Variants in ALDH1L1 observed in about 807,000 individuals in gnomAD.
ALDH1L1 encodes cytosolic 10-formyltetrahydrofolate dehydrogenase.
ALDH1L1 carries 68 observed loss-of-function variants against 101.1 expected under a neutral mutation model. That is an observed-to-expected ratio of 0.67 (90% CI 0.55 to 0.82). The LOEUF is 0.82. Among genes scored for constraint, ALDH1L1 ranks in the 40% least tolerant of loss-of-function variants. The pLI, the probability that ALDH1L1 is intolerant of heterozygous loss-of-function variation, is 0.00. For synonymous variants in ALDH1L1, 486 were observed against 470.8 expected, an observed-to-expected ratio of 1.03 and a Z score of -0.42; for missense variants, 1,087 against 1,172.7, an observed-to-expected ratio of 0.93 and a Z score of 1.07.
chr3:126,111,727 A>T (rs1284456990), intron 19 of ALDH1L1, among the ~76,000 whole-genome samples: 1 of 152,114 alleles, frequency 6.6e-6, no homozygotes, highest in Admixed American at 6.5e-5. Flanking sequence ...CTGGTTTCCC[A>T]GGTACCATCT....
At position 126,113,796 on chromosome 3, in the gene ALDH1L1, G is replaced by T. The variant is rs142956509; in HGVS notation, c.2082+761C>A. 1.8e-3 allele frequency among the ~76,000 whole-genome samples: 271 copies of T among 152,330 alleles called. 10 individuals are homozygous for T. In the East Asian group the frequency reaches 0.045, roughly 25 times the overall value. ...ACTGGTTTGCTCCCACAGGAGTCAG[G>T]ACAGGACCAAGGCAACAACAATACT... On this transcript the variant is annotated intron_variant, in intron 18 of 22. Transcript: ENST00000393434.
rs2080785321 is a variant in ALDH1L1, at chr3:126,150,421, A to T, written c.969T>A (p.Thr323=). The T allele has an allele frequency of 6.4e-7, 1 of 1,551,482 alleles. No homozygotes were observed. The highest frequency in any genetic ancestry group is 2.0e-5 in the Admixed American group (1 of 51,004). ...VLELTEAELV[T]AEAVRSVWQR... The stretch of plus-strand genomic sequence containing the variant: ...TGCCTCTTACCCGCACAGCCTCCGC[A>T]GTAACCAGCTCTGCCTCTGTCAGCT... The change falls in exon 8 of 23, where the codon ACT becomes ACA. Residue 323 remains threonine (T), a synonymous_variant. Transcript: ENST00000393434.
intron 20 of ALDH1L1, 103 bp downstream of exon 20, chr3:126,109,841 T>C: frequency 6.7e-7 from 1 of 1,500,568 alleles, no homozygotes; most frequent in Non-Finnish European, 9.0e-7. Flanking sequence ...ACTGTGTAGG[T>C]ACCTGGCCTT....
upstream of ALDH1L1, chr3:126,181,155 C>G (rs2081469840): frequency 2.8e-6 from 2 of 717,686 alleles, no homozygotes; most frequent in Non-Finnish European, 4.8e-6. Context: ...CTTCTCCACT[C>G]TCTCCCTTCT....
intron 12 of ALDH1L1, among the ~76,000 whole-genome samples, chr3:126,134,751 T>C (rs1269168561): frequency 6.6e-6 from 1 of 152,196 alleles, no homozygotes; most frequent in East Asian, 1.9e-4. Context: ...GGAGCTTCGT[T>C]GGGACCACGC....
chr3:126,131,789 G>A (rs1044607461), intron 12 of ALDH1L1, among the ~76,000 whole-genome samples: 4 of 152,238 alleles, frequency 2.6e-5, no homozygotes, highest in Non-Finnish European at 5.9e-5. Flanking sequence ...AAGTATTTGT[G>A]GATCCACTAC....
intron 16 of ALDH1L1, among the ~76,000 whole-genome samples, chr3:126,118,779 C>T (rs907472656): frequency 2.0e-4 from 30 of 152,112 alleles, no homozygotes; most frequent in African/African-American, 6.8e-4. Flanking sequence ...TCCAAAACAC[C>T]CGCCCTCAGG....
At chr3:126,117,527 A>G (rs576952088) in intron 17 of ALDH1L1, among the ~76,000 whole-genome samples, 1 of 151,120 alleles carries the variant, frequency 6.6e-6, no homozygotes, top group Non-Finnish European at 1.5e-5. Context: ...TTGGTGGTGC[A>G]TGCCTGTAGT....
intron 21 of ALDH1L1, 95 bp downstream of exon 21, chr3:126,107,046 G>A: frequency 8.6e-7 from 1 of 1,163,392 alleles, no homozygotes; most frequent in Admixed American, 1.8e-5. Context: ...TTCTCCTCCT[G>A]ACTGCCCGTA....
chr3:126,158,019 C>T (rs4646703), intron 3 of ALDH1L1, among the ~76,000 whole-genome samples: 19,953 of 152,102 alleles, frequency 0.13, 1,395 homozygotes, highest in Middle Eastern at 0.18. Flanking sequence ...AGAGCAGCGG[C>T]AGTGGAAGTT....
intron 9 of ALDH1L1, among the ~76,000 whole-genome samples, chr3:126,140,850 A>T (rs2080553814): frequency 6.6e-6 from 1 of 152,056 alleles, no homozygotes; most frequent in African/African-American, 2.4e-5. Context: ...AAATACAAAA[A>T]AGGACAGTAT....
At chr3:126,197,423 C>A (rs747468331) in intron 1 of ALDH1L1, among the ~76,000 whole-genome samples, 1 of 152,054 alleles carries the variant, frequency 6.6e-6, no homozygotes, top group Non-Finnish European at 1.5e-5. Context: ...TACAAAAATC[C>A]CTGAAAATTT....
intron 1 of ALDH1L1, among the ~76,000 whole-genome samples, chr3:126,177,956 T>C (rs1232288626): frequency 6.6e-6 from 1 of 152,222 alleles, no homozygotes; most frequent in Non-Finnish European, 1.5e-5. Flanking sequence ...GGCCCAAGAA[T>C]TGCTTGAACC....
Position 126,147,066 on chromosome 3 carries a change from C to T in ALDH1L1, c.985-140G>A, listed in dbSNP as rs1343177793. On this transcript the variant is annotated intron_variant, in intron 8 of 22. Transcript: ENST00000393434. ...TCTATGTACCTCCAAGTTGTTGCCT[C>T]ATCCCAGGAGGCTTAATGGTCCTGG... 4 of 756,414 alleles carry T rather than the reference C, an allele frequency of 5.3e-6. No homozygotes were observed. In the African/African-American group the frequency reaches 5.3e-5, roughly 10 times the overall value. The allele number at this position is 756,414 out of a possible 1,614,324, so 46.9% of individuals were successfully genotyped here.
intron 9 of ALDH1L1, among the ~76,000 whole-genome samples, chr3:126,141,691 A>T (rs1263359373): frequency 6.6e-6 from 1 of 152,128 alleles, no homozygotes. Flanking sequence ...AACTTATGAG[A>T]GGCGGGGAAA....
intron 1 of ALDH1L1, among the ~76,000 whole-genome samples, chr3:126,170,409 A>ACCT (rs1235043092): frequency 1.6e-5 from 2 of 125,476 alleles, no homozygotes; most frequent in East Asian, 4.6e-4. Flanking sequence ...CCAAACATGC[A>ACCT]CCTCTGCCTG....
chr3:126,145,158 T>G (rs190974082), intron 9 of ALDH1L1, among the ~76,000 whole-genome samples: 78 of 152,282 alleles, frequency 5.1e-4, no homozygotes, highest in Non-Finnish European at 9.7e-4. Flanking sequence ...GGATGGTTAT[T>G]GTTCAAAAGG....
chr3:126,183,825 C>T (rs1488720195), upstream of ALDH1L1, among the ~76,000 whole-genome samples: 2 of 152,138 alleles, frequency 1.3e-5, no homozygotes, highest in Non-Finnish European at 2.9e-5. Flanking sequence ...GGTGCTTCAC[C>T]CACATCAAAG....
rs1215024451 is a variant in ALDH1L1, at chr3:126,150,468, C to G, written c.922G>C (p.Gly308Arg). The G allele has an allele frequency of 3.2e-6, 5 of 1,551,638 alleles. No homozygotes were observed. Among genetic ancestry groups the G allele is most frequent in the Admixed American group, 2.0e-5 (1 of 51,002 alleles). Residue 308 changes from glycine to arginine, a missense_variant, in exon 8 of 23, where the codon GGG becomes CGG. Transcript: ENST00000393434. ...AGCTCAAGGACACTGCTGGCTGCCC[C>G]CTTAAAGAAGTTCGAGGCCAGGATC... ...KMILASNFFK[G>R]AASSVLELTE...
Sources: gnomAD v4.1 joint callset for allele counts (sites outside exome capture counted in the v4.1 genomes callset) on GRCh38, gnomAD v4.1.1 for gene constraint, MANE v1.5 for transcripts, NCBI Gene and HGNC (gene_info 2026-07-23, HGNC 2026-07-21) for gene names.